The following INPP5D variants were observed in gnomAD, a reference collection of about 807,000 sequenced individuals.
INPP5D encodes the protein inositol polyphosphate-5-phosphatase D, also known as phosphatidylinositol 3,4,5-trisphosphate 5-phosphatase 1.
INPP5D carries 33 observed loss-of-function variants against 122.9 expected under a neutral mutation model. The observed-to-expected ratio is 0.27, with a 90% CI of 0.20 to 0.36. The LOEUF (loss-of-function observed/expected upper bound fraction) is 0.36. INPP5D is among the 10% of genes least tolerant of loss of function. The probability of loss-of-function intolerance (pLI) is 1.00; values close to 1 mark genes in which losing one functional copy is unlikely to be tolerated. For missense variants in INPP5D, 1,053 were observed against 1,412.7 expected (o/e 0.75, Z 4.08); for synonymous variants, 584 against 576.2 (o/e 1.01, Z -0.19).
At chr2:233,202,242 C>A (rs1695358894) in intron 25 of INPP5D, among the ~76,000 whole-genome samples, 1 of 152,194 alleles carries the variant, frequency 6.6e-6, no homozygotes, top group Non-Finnish European at 1.5e-5. Flanking sequence ...TGTGACCATG[C>A]CAGTTGCACC....
intron 21 of INPP5D, among the ~76,000 whole-genome samples, 180 bp downstream of exon 21, chr2:233,186,105 T>G (rs1406387571): frequency 6.6e-6 from 1 of 152,206 alleles, no homozygotes; most frequent in Non-Finnish European, 1.5e-5. Context: ...TAACACACTT[T>G]ACAGCAGTGG....
At chr2:233,093,704 T>C (rs1692049600) in intron 2 of INPP5D, among the ~76,000 whole-genome samples, 1 of 151,902 alleles carries the variant, frequency 6.6e-6, no homozygotes, top group South Asian at 2.1e-4. Flanking sequence ...AAAAAGACTT[T>C]ATGTTAAGCT....
At chr2:233,136,076 C>T (rs77673016) in intron 5 of INPP5D, among the ~76,000 whole-genome samples, 4,200 of 152,250 alleles carry the variant, frequency 0.028, 130 homozygotes, top group East Asian at 0.18. Flanking sequence ...GGTGTGGAGG[C>T]ACAGAGTGGA....
intron 2 of INPP5D, 111 bp downstream of exon 2, chr2:233,079,509 G>A: frequency 2.8e-6 from 2 of 710,398 alleles, no homozygotes; most frequent in Admixed American, 4.2e-5. Context: ...GGACGTGAAG[G>A]CCTGGCTGAG....
At chr2:233,112,356 T>G (rs114088072) in intron 2 of INPP5D, among the ~76,000 whole-genome samples, 2,628 of 152,338 alleles carry the variant, frequency 0.017, 77 homozygotes, top group African/African-American at 0.06. Flanking sequence ...TGGATGCACC[T>G]TTCAACTGTT....
chr2:233,102,702 T>TAGCTGGAC (rs201024207), intron 2 of INPP5D, among the ~76,000 whole-genome samples: 6,193 of 151,902 alleles, frequency 0.041, 179 homozygotes, highest in African/African-American at 0.075. Context: ...CAAAAAAAAT[T>TAGCTGGAC]AGCTGGACGT....
At chr2:233,071,654 A>G (rs1401884649) in intron 1 of INPP5D, among the ~76,000 whole-genome samples, 1 of 152,218 alleles carries the variant, frequency 6.6e-6, no homozygotes, top group East Asian at 1.9e-4. Context: ...GGTAATATTC[A>G]GTCTTAACAA....
intron 2 of INPP5D, among the ~76,000 whole-genome samples, chr2:233,101,630 T>C (rs1692314443): frequency 6.9e-6 from 1 of 145,570 alleles, no homozygotes; most frequent in Admixed American, 6.9e-5. Context: ...AATTATATAT[T>C]ATATTATTAT....
intron 17 of INPP5D, among the ~76,000 whole-genome samples, chr2:233,174,596 A>G (rs1029611771): frequency 6.6e-6 from 1 of 152,222 alleles, no homozygotes; most frequent in Non-Finnish European, 1.5e-5. Context: ...GTTTGAGACC[A>G]GCCTGGCCAA....
intron 2 of INPP5D, among the ~76,000 whole-genome samples, chr2:233,118,598 G>A (rs1160558665): frequency 2.6e-5 from 4 of 152,230 alleles, no homozygotes; most frequent in Non-Finnish European, 5.9e-5. Flanking sequence ...CCTTTGCCTG[G>A]TTGGTGCCCC....
intron 21 of INPP5D, among the ~76,000 whole-genome samples, chr2:233,187,571 A>G (rs960583997): frequency 6.6e-6 from 1 of 152,228 alleles, no homozygotes; most frequent in African/African-American, 2.4e-5. Context: ...CTCTCAGGCC[A>G]TGTAAAAAGG....
chr2:233,181,153 T>G (rs1694773818), intron 18 of INPP5D, among the ~76,000 whole-genome samples: 1 of 152,234 alleles, frequency 6.6e-6, no homozygotes, highest in Admixed American at 6.5e-5. Flanking sequence ...CTTTCTCTGT[T>G]CTGTCTCATA....
intron 2 of INPP5D, among the ~76,000 whole-genome samples, chr2:233,092,709 G>A (rs1013847184): frequency 3.3e-5 from 5 of 152,312 alleles, no homozygotes; most frequent in Non-Finnish European, 5.9e-5. Flanking sequence ...AATTTCAAAG[G>A]CAAACATTGA....
chr2:233,101,499 T>C (rs1488653503), intron 2 of INPP5D, among the ~76,000 whole-genome samples: 1 of 149,834 alleles, frequency 6.7e-6, no homozygotes, highest in Non-Finnish European at 1.5e-5. Flanking sequence ...CCCAAACTCT[T>C]ATTTATAAGT....
intron 1 of INPP5D, among the ~76,000 whole-genome samples, chr2:233,061,897 G>A (rs1441341719): frequency 6.6e-6 from 1 of 152,230 alleles, no homozygotes; most frequent in East Asian, 1.9e-4. Context: ...GAGCCACAGT[G>A]TTTACAGGGT....
intron 20 of INPP5D, among the ~76,000 whole-genome samples, chr2:233,185,556 C>T (rs960173238): frequency 6.6e-6 from 1 of 151,314 alleles, no homozygotes; most frequent in African/African-American, 2.4e-5. Flanking sequence ...GTGATGATTT[C>T]TTTGTTGCCT....
At chr2:233,176,177 C>A (rs1224557094) in intron 17 of INPP5D, among the ~76,000 whole-genome samples, 3 of 152,186 alleles carry the variant, frequency 2.0e-5, no homozygotes, top group Non-Finnish European at 4.4e-5. Flanking sequence ...GTCTATCCCA[C>A]CTAATGGACA....
intron 3 of INPP5D, among the ~76,000 whole-genome samples, chr2:233,123,952 T>G (rs1049871479): frequency 1.3e-5 from 2 of 152,052 alleles, no homozygotes; most frequent in Non-Finnish European, 2.9e-5. Context: ...CAGCACACAC[T>G]GGAGCCTACC....
intron 22 of INPP5D, among the ~76,000 whole-genome samples, chr2:233,193,129 T>A (rs1471477209): frequency 2.6e-5 from 4 of 152,228 alleles, no homozygotes; most frequent in Non-Finnish European, 5.9e-5. Flanking sequence ...CCTCAAGTGA[T>A]CAGCCCGCCT....
Sources: gnomAD v4.1 joint callset for allele counts (sites outside exome capture counted in the v4.1 genomes callset) on GRCh38, gnomAD v4.1.1 for gene constraint, MANE v1.5 for transcripts, NCBI Gene and HGNC (gene_info 2026-07-23, HGNC 2026-07-21) for gene names.